CTNND2: variants seen among roughly 807,000 people sequenced by gnomAD.
CTNND2 encodes the protein catenin delta-2.
A neutral mutation model predicts 144.4 loss-of-function variants in CTNND2; 22 were observed. That is an observed-to-expected ratio of 0.15 (90% CI 0.11 to 0.22). CTNND2 has a LOEUF of 0.22. CTNND2 is among the 10% of genes least tolerant of loss of function. The pLI is 1.00. For missense variants in CTNND2, 1,353 were observed against 1,618.8 expected, an observed-to-expected ratio of 0.84 and a Z score of 2.82; for synonymous variants, 751 against 695.6, an observed-to-expected ratio of 1.08 and a Z score of -1.25.
intron 2 of CTNND2, among the ~76,000 whole-genome samples, chr5:11,606,398 C>T (rs2126356675): frequency 6.6e-6 from 1 of 152,242 alleles, no homozygotes; most frequent in South Asian, 2.1e-4. Flanking sequence ...CAATACAAAA[C>T]TAACACAGCA....
chr5:11,391,986 C>G lies in CTNND2; in HGVS notation c.612+5045G>C, dbSNP rs189760481. 5.3e-5 allele frequency among the ~76,000 whole-genome samples: 8 copies of G among 152,274 alleles called. No individual in the cohort carries two copies. The East Asian group carries it at 1.5e-3, about 29-fold the overall frequency. On this transcript the variant is annotated intron_variant, in intron 6 of 21. Transcript: ENST00000304623. ...AAAGGACCATAAAAGCAACTATATC[C>G]CTGGAAATAATAACAGAAACCACCC...
At chr5:11,102,159 C>T (rs1412012934) in intron 14 of CTNND2, among the ~76,000 whole-genome samples, 1 of 152,076 alleles carries the variant, frequency 6.6e-6, no homozygotes, top group African/African-American at 2.4e-5. Context: ...TGTTAATTTT[C>T]ATCTGTTATA....
intron 3 of CTNND2, among the ~76,000 whole-genome samples, chr5:11,423,132 T>C (rs1762500631): frequency 6.6e-6 from 1 of 152,240 alleles, no homozygotes; most frequent in Admixed American, 6.5e-5. Flanking sequence ...AGGGGTACTG[T>C]TCACCAGTTG....
At chr5:11,734,568 C>T (rs529203428) in intron 1 of CTNND2, among the ~76,000 whole-genome samples, 1 of 152,168 alleles carries the variant, frequency 6.6e-6, no homozygotes, top group East Asian at 1.9e-4. Context: ...AAACCCCCAT[C>T]TCAATAAAAG....
At chr5:11,648,651 A>G (rs933526454) in intron 2 of CTNND2, among the ~76,000 whole-genome samples, 1 of 151,478 alleles carries the variant, frequency 6.6e-6, no homozygotes, top group Non-Finnish European at 1.5e-5. Context: ...TATTTATTTA[A>G]TTCTTTATTC....
At chr5:11,274,753 CA>C (rs1458170371) in intron 9 of CTNND2, among the ~76,000 whole-genome samples, 1 of 152,012 alleles carries the variant, frequency 6.6e-6, no homozygotes, top group African/African-American at 2.4e-5. Context: ...CTAATGAAAA[CA>C]ATGTTTTTAA....
chr5:11,821,101 A>G (rs1474329222), intron 1 of CTNND2, among the ~76,000 whole-genome samples: 1 of 152,222 alleles, frequency 6.6e-6, no homozygotes, highest in Non-Finnish European at 1.5e-5. Context: ...AGTTATCAAA[A>G]TACAATTGTC....
rs188740553 is a variant in CTNND2 at position 11,793,962 on chromosome 5, T to C, written c.38-61690A>G. On this transcript the variant is annotated intron_variant, in intron 1 of 21. Transcript: ENST00000304623. The stretch of plus-strand genomic sequence containing the variant: ...GGTTGACTCCCATATTTATGGCATA[T>C]ACTTATTTTGAATTTACTGAAAAGA... Among the ~76,000 whole-genome samples, 5 of 152,382 alleles carry C rather than the reference T, an allele frequency of 3.3e-5. No individual in the cohort carries two copies. The East Asian group carries it at 5.8e-4, about 18-fold the overall frequency.
intron 2 of CTNND2, among the ~76,000 whole-genome samples, chr5:11,604,319 C>T (rs552830155): frequency 1.3e-5 from 2 of 152,304 alleles, no homozygotes; most frequent in South Asian, 2.1e-4. Context: ...TACTTGCTGC[C>T]GTGAGTTGGA....
At chr5:11,857,173 T>A (rs1237264507) in intron 1 of CTNND2, among the ~76,000 whole-genome samples, 1 of 152,172 alleles carries the variant, frequency 6.6e-6, no homozygotes, top group African/African-American at 2.4e-5. Flanking sequence ...TTTCCCCTAC[T>A]CTTACATGGT....
intron 1 of CTNND2, among the ~76,000 whole-genome samples, chr5:11,897,293 G>A (rs974698216): frequency 6.6e-6 from 1 of 152,222 alleles, no homozygotes; most frequent in African/African-American, 2.4e-5. Context: ...ATATGTGACA[G>A]AGGATAAAAT....
Position 11,851,271 on chromosome 5 carries a change from G to GTT in CTNND2, c.37+52545_37+52546insAA, listed in dbSNP as rs1794999350. Reference sequence around the variant, plus strand: ...TTATCTCTCTAATACATGCGTGTGTGTGCGTATGTGGGTGTGAGTGTATAT... The same window carrying GTT: ...TTATCTCTCTAATACATGCGTGTGTGTTTGCGTATGTGGGTGTGAGTGTATAT... On this transcript the variant is annotated intron_variant, in intron 1 of 21. Transcript: ENST00000304623. Among the ~76,000 whole-genome samples, 3 of 152,092 alleles carry GTT rather than the reference G, an allele frequency of 2.0e-5. No homozygotes were observed. The East Asian group carries it at 5.8e-4, about 29-fold the overall frequency.
intron 1 of CTNND2, among the ~76,000 whole-genome samples, chr5:11,739,648 G>A (rs1490288394): frequency 6.6e-6 from 1 of 152,162 alleles, no homozygotes; most frequent in Non-Finnish European, 1.5e-5. Flanking sequence ...AGACAAGGAT[G>A]CCCTCTCTCA....
intron 2 of CTNND2, among the ~76,000 whole-genome samples, chr5:11,607,307 A>G (rs1384095551): frequency 6.6e-6 from 1 of 152,200 alleles, no homozygotes; most frequent in Non-Finnish European, 1.5e-5. Context: ...ATTCACGCAC[A>G]TAATACTGTG....
intron 1 of CTNND2, among the ~76,000 whole-genome samples, chr5:11,795,354 C>A (rs190189143): frequency 5.3e-4 from 81 of 152,316 alleles, no homozygotes; most frequent in Non-Finnish European, 5.7e-4. Context: ...GAATAAAAAT[C>A]TGGAAGTGAG....
At chr5:11,551,334 C>T (rs1775739903) in intron 3 of CTNND2, among the ~76,000 whole-genome samples, 1 of 151,888 alleles carries the variant, frequency 6.6e-6, no homozygotes, top group Admixed American at 6.6e-5. Context: ...AAAGAAATAT[C>T]CCTCTGTGAG....
intron 3 of CTNND2, among the ~76,000 whole-genome samples, chr5:11,436,620 A>G (rs1173663116): frequency 6.6e-6 from 1 of 152,238 alleles, no homozygotes; most frequent in Non-Finnish European, 1.5e-5. Context: ...GACTGATTCA[A>G]AAAGAATGAA....
At chr5:11,417,614 C>A (rs1341462127) in intron 3 of CTNND2, among the ~76,000 whole-genome samples, 1 of 152,128 alleles carries the variant, frequency 6.6e-6, no homozygotes, top group East Asian at 1.9e-4. Context: ...TCCTCATACA[C>A]CACAAACTGT....
In CTNND2 at chr5:11,015,540, T is replaced by C. The variant is rs1324194828; in HGVS notation, c.3084+2434A>G. On this transcript the variant is annotated intron_variant, in intron 18 of 21. Transcript: ENST00000304623. ...TCCTGTCAACACATTCTTTTTTTCA[T>C]GGAAATAGACAGACAATTATGCTTT... Among the ~76,000 whole-genome samples, 20 of 152,348 alleles carry C rather than the reference T, an allele frequency of 1.3e-4. No homozygotes were observed. In the East Asian group the frequency reaches 3.1e-3, roughly 23 times the overall value.
Sources: allele counts gnomAD v4.1 joint callset (sites outside exome capture counted in the v4.1 genomes callset), GRCh38; gene constraint gnomAD v4.1.1; transcripts MANE v1.5; gene names NCBI Gene and HGNC (gene_info 2026-07-23, HGNC 2026-07-21).